GAA: variants seen among roughly 807,000 people sequenced by gnomAD.
The protein encoded by GAA is alpha glucosidase.
GAA carries 88 observed loss-of-function variants against 103.9 expected under a neutral mutation model. That is an observed-to-expected ratio of 0.85 (90% CI 0.71 to 1.01). The LOEUF (loss-of-function observed/expected upper bound fraction) is 1.01. Ranked by LOEUF, GAA falls within the 50% of genes least tolerant of loss-of-function variation. The pLI, the probability that GAA is intolerant of heterozygous loss-of-function variation, is 0.00. For synonymous variants in GAA, 572 were observed against 563.1 expected (o/e 1.02, Z -0.22); for missense variants, 1,350 against 1,305.3 (o/e 1.03, Z -0.53).
intron 3 of GAA, 146 bp from the exon 4 acceptor site, chr17:80,107,411 C>T (rs1212751296): frequency 2.4e-5 from 25 of 1,050,844 alleles, no homozygotes; most frequent in East Asian, 9.5e-5. Context: ...TCGGCACGGC[C>T]GCCTGTCCCA....
Position 80,118,642 on chromosome 17 carries a change from G to T in GAA, c.2647-11G>T. The T allele has an allele frequency of 6.2e-7, 1 of 1,611,474 alleles. No homozygotes were observed. The highest frequency in any genetic ancestry group is 8.5e-7 in the Non-Finnish European group (1 of 1,179,964). On this transcript the variant is annotated splice_polypyrimidine_tract_variant and intron_variant, in intron 18 of 19. Transcript: ENST00000302262. Reference sequence around the variant, plus strand: ...ATTCTCTGCCTTTTCATCTCTCTCTGCTCGGCCCAGAACACGATCGTGAAT... The same window carrying T: ...ATTCTCTGCCTTTTCATCTCTCTCTTCTCGGCCCAGAACACGATCGTGAAT...
rs1374896876 is a variant in GAA, at chr17:80,112,891, A to G, written c.1904A>G (p.Asn635Ser). ...ASSVPEILQF[N>S]LLGVPLVGAD... ...GCCCTCCCAGAAATCCTGCAGTTTA[A>G]CCTGCTGGGGGTGCCTCTGGTCGGG... Residue 635 changes from asparagine (N) to serine (S), a missense_variant, in exon 14 of 20, where the codon AAC becomes AGC. By Grantham distance (46) the Asn-to-Ser change is conservative. Coordinates refer to ENST00000302262, the MANE Select transcript of GAA (RefSeq NM_000152.5). The G allele has an allele frequency of 6.2e-7, 1 of 1,609,690 alleles. No individual in the cohort carries two copies. Among genetic ancestry groups the G allele is most frequent in the Non-Finnish European group, 8.5e-7 (1 of 1,178,444 alleles).
chr17:80,110,205 T>A (rs2039199369), intron 9 of GAA, 150 bp downstream of exon 9: 5 of 650,846 alleles, frequency 7.7e-6, no homozygotes, highest in Admixed American at 5.5e-5. Context: ...CCCGTGACGA[T>A]GGTGGCTCCT....
Position 80,104,565 on chromosome 17 carries a change from G to A in GAA, c.-22G>A. On this transcript the variant is annotated 5_prime_UTR_variant, in exon 2 of 20. Coordinates refer to ENST00000302262, the MANE Select transcript of GAA (RefSeq NM_000152.5). This position sits in a 1 kb window ranked among gnomAD's most constrained non-coding sequence, Gnocchi z 4.0. ...TTTCTTCTCCCGCAGGCCTGTAGGAGCTGTCCAGGCCATCTCCAACCATGG... is the reference window on the plus strand; with the variant it reads ...TTTCTTCTCCCGCAGGCCTGTAGGAACTGTCCAGGCCATCTCCAACCATGG... 6.3e-7 allele frequency: 1 copy of A among 1,598,620 alleles called. No individual in the cohort carries two copies. The highest frequency in any genetic ancestry group is 1.1e-5 in the South Asian group (1 of 90,208).
Position 80,107,488 on chromosome 17 carries a change from T to G in GAA, c.693-69T>G, listed in dbSNP as rs2039113389. Reference sequence around the variant, plus strand: ...CCAGGGCACCAGGGCCCGGGGGTGCTCTCTGGGTGCTCTCAGGCTCGTGTG... The same window carrying G: ...CCAGGGCACCAGGGCCCGGGGGTGCGCTCTGGGTGCTCTCAGGCTCGTGTG... On this transcript the variant is annotated intron_variant, in intron 3 of 19. Coordinates refer to ENST00000302262, the MANE Select transcript of GAA (RefSeq NM_000152.5). The G allele has an allele frequency of 4.4e-6, 7 of 1,604,012 alleles. 1 individual carries two copies. The South Asian group carries it at 7.7e-5, about 18-fold the overall frequency.
At chr17:80,116,613 G>A (rs1432904500) in intron 15 of GAA, among the ~76,000 whole-genome samples, 1 of 152,184 alleles carries the variant, frequency 6.6e-6, no homozygotes. Flanking sequence ...ATACTTTTTC[G>A]TACTTTCCAA....
Position 80,110,803 on chromosome 17 carries a change from A to C in GAA, c.1514A>C (p.Glu505Ala), listed in dbSNP as rs1418481698. 2 of 1,614,122 alleles carry C rather than the reference A, an allele frequency of 1.2e-6. No individual in the cohort carries two copies. Among genetic ancestry groups the C allele is most frequent in the Admixed American group, 3.3e-5 (2 of 60,034 alleles). Residue 505 changes from glutamate (E) to alanine (A), a missense_variant, in exon 10 of 20, where the codon GAG becomes GCG. By Grantham distance (107) the Glu-to-Ala change is moderately radical (BLOSUM62 -1). Coordinates refer to ENST00000302262, the MANE Select transcript of GAA (RefSeq NM_000152.5). The part of the protein sequence containing the change: ...ALAWWEDMVA[E>A]FHDQVPFDGM... ...GCCTGGTGGGAGGACATGGTGGCTG[A>C]GTTCCATGACCAGGTGCCCTTCGAC...
At position 80,104,383 on chromosome 17, in the gene GAA, T is replaced by A. The variant is rs1487400538; in HGVS notation, c.-32-172T>A. On this transcript the variant is annotated intron_variant, in intron 1 of 19. Coordinates refer to ENST00000302262, the MANE Select transcript of GAA (RefSeq NM_000152.5). This position sits in a 1 kb window ranked among gnomAD's most constrained non-coding sequence, Gnocchi z 4.0. The stretch of plus-strand genomic sequence containing the variant: ...CTGCTGGAGCTTTTCTCGCCCTTCC[T>A]TCTGGCCCTCTCCCCAGTCTAGACA... Among the ~76,000 whole-genome samples the A allele has an allele frequency of 6.6e-6, 1 of 152,174 alleles. No homozygotes were observed. Among genetic ancestry groups the A allele is most frequent in the Non-Finnish European group, 1.5e-5 (1 of 68,014 alleles).
At chr17:80,111,837 G>T in intron 11 of GAA, 146 bp from the exon 12 acceptor site, 1 of 662,490 alleles carries the variant, frequency 1.5e-6, no homozygotes, top group Non-Finnish European at 2.7e-6. Context: ...CCACAGAGGC[G>T]TGGGGAGCGG....
chr17:80,107,784 C>A lies in GAA; in HGVS notation c.859-16C>A, dbSNP rs1277586933. The A allele has an allele frequency of 6.2e-7, 1 of 1,610,324 alleles. No individual in the cohort carries two copies. The highest frequency in any genetic ancestry group is 2.2e-5 in the East Asian group (1 of 44,788). ...GGGAGCGCAGGTGCTGAAGCGCCGT[C>A]TCCTGCATGTCCCAGCCCGGTGCGA... On this transcript the variant is annotated splice_polypyrimidine_tract_variant and intron_variant, in intron 4 of 19. Coordinates refer to ENST00000302262, the MANE Select transcript of GAA (RefSeq NM_000152.5).
In GAA at chr17:80,105,805, C is replaced by T. The variant is rs1442775924; in HGVS notation, c.603C>T (p.His201=). 2.5e-6 allele frequency: 4 copies of T among 1,611,178 alleles called. No homozygotes were observed. The highest frequency in any genetic ancestry group is 3.4e-6 in the Non-Finnish European group (4 of 1,179,988). The change falls in exon 3 of 20, where the codon CAC becomes CAT. Residue 201 remains histidine, a synonymous_variant. Coordinates refer to ENST00000302262, the MANE Select transcript of GAA (RefSeq NM_000152.5). ...YEVPLETPHV[H]SRAPSPLYSV... Reference sequence around the variant, plus strand: ...TGCCCTTGGAGACCCCGCATGTCCACAGCCGGGCACCGTCCCCACTCTACA... The same window carrying T: ...TGCCCTTGGAGACCCCGCATGTCCATAGCCGGGCACCGTCCCCACTCTACA...
At chr17:80,117,836 C>T in intron 17 of GAA, 87 bp downstream of exon 17, 1 of 1,393,328 alleles carries the variant, frequency 7.2e-7, no homozygotes, top group Non-Finnish European at 9.6e-7. Flanking sequence ...GGGAGAGGCC[C>T]AGGTGGGGCT....
Position 80,110,591 on chromosome 17 carries a change from C to T in GAA, c.1438-136C>T, listed in dbSNP as rs1367710160. The T allele has an allele frequency of 2.3e-5, 16 of 696,062 alleles. No homozygotes were observed. In the East Asian group the frequency reaches 4.0e-4, roughly 18 times the overall value. The allele number at this position is 696,062 out of a possible 1,614,324, so 43.1% of individuals were successfully genotyped here. A position where few individuals can be genotyped will look rare whatever the true frequency, so the allele number is the denominator to read the frequency against. On this transcript the variant is annotated intron_variant, in intron 9 of 19. Coordinates refer to ENST00000302262, the MANE Select transcript of GAA (RefSeq NM_000152.5). ...GAGCTGCTCATTGACCTCCAGGGTG[C>T]AGGTCTCTCAGATTTGCAAATGTGG...
At chr17:80,109,672 GTAGA>G (rs2039182781) in intron 8 of GAA, among the ~76,000 whole-genome samples, 2 of 151,462 alleles carry the variant, frequency 1.3e-5, no homozygotes, top group African/African-American at 2.4e-5. Context: ...AGTGATTACT[GTAGA>G]ACACTTGGGA....
Position 80,119,450 on chromosome 17 carries a change from A to G in GAA, c.*119A>G, listed in dbSNP as rs2039434923. The G allele has an allele frequency of 2.3e-6, 2 of 869,488 alleles. No individual in the cohort carries two copies. The highest frequency in any genetic ancestry group is 1.7e-5 in the African/African-American group (1 of 60,124). 53.9% of individuals were successfully genotyped at this position (869,488 alleles called of 1,614,324 possible). A position where few individuals can be genotyped will look rare whatever the true frequency, so the allele number is the denominator to read the frequency against. On this transcript the variant is annotated 3_prime_UTR_variant, in exon 20 of 20. Transcript: ENST00000302262. ...TTGCATGTGTCACCTGGAGCTGGGC[A>G]CTAACCATTCCAAGCCGCCGCATCG...
At chr17:80,112,480 C>A in intron 12 of GAA, 98 bp from the exon 13 acceptor site, 1 of 1,487,344 alleles carries the variant, frequency 6.7e-7, no homozygotes. Context: ...TCTGCCTCAT[C>A]CCAGAAAGCT....
intron 3 of GAA, 97 bp from the exon 4 acceptor site, chr17:80,107,460 C>A: frequency 6.5e-7 from 1 of 1,539,284 alleles, no homozygotes; most frequent in Non-Finnish European, 8.9e-7. Flanking sequence ...CCACTCCGCC[C>A]TCCCAGGGCA....
intron 15 of GAA, among the ~76,000 whole-genome samples, 192 bp downstream of exon 15, chr17:80,113,558 C>T (rs951345259): frequency 6.6e-6 from 1 of 152,150 alleles, no homozygotes; most frequent in African/African-American, 2.4e-5. Context: ...CCAGACAGGC[C>T]GTAGTACACA....
At position 80,104,594 on chromosome 17, in the gene GAA, T is replaced by C. The variant is rs1037603957; in HGVS notation, c.8T>C (p.Val3Ala). MG[V>A]RHPPCSHRLL... ...TCCAGGCCATCTCCAACCATGGGAG[T>C]GAGGCACCCGCCCTGCTCCCACCGG... The change falls in exon 2 of 20, where the codon GTG becomes GCG. Residue 3 changes from valine to alanine, a missense_variant. Coordinates refer to ENST00000302262, the MANE Select transcript of GAA (RefSeq NM_000152.5). This position sits in a 1 kb window ranked among gnomAD's most constrained non-coding sequence, Gnocchi z 4.0. The C allele has an allele frequency of 6.2e-7, 1 of 1,610,030 alleles. No homozygotes were observed. The highest frequency in any genetic ancestry group is 8.5e-7 in the Non-Finnish European group (1 of 1,178,508).
Sources: gnomAD v4.1 joint callset for allele counts (sites outside exome capture counted in the v4.1 genomes callset) on GRCh38, gnomAD v4.1.1 for gene constraint, Gnocchi (gnomAD v3.1) non-coding constraint, MANE v1.5 for transcripts, NCBI Gene and HGNC (gene_info 2026-07-23, HGNC 2026-07-21) for gene names.